TNPO2: variants seen among roughly 807,000 people sequenced by gnomAD.
TNPO2 encodes the protein transportin-2.
Under a neutral mutation model 111.1 loss-of-function variants are expected in TNPO2, and 16 were observed. That is an observed-to-expected ratio of 0.14 (90% CI 0.10 to 0.22). The LOEUF (loss-of-function observed/expected upper bound fraction) is 0.22, where lower values mean the gene tolerates loss of function less well. TNPO2 is among the 10% of genes least tolerant of loss of function. The pLI is 1.00. For missense variants in TNPO2, 530 were observed against 1,173.7 expected, an observed-to-expected ratio of 0.45 and a Z score of 8.01; for synonymous variants, 481 against 475.8, an observed-to-expected ratio of 1.01 and a Z score of -0.14.
chr19:12,714,859 C>A lies in TNPO2; in HGVS notation c.852G>T (p.Gln284His). The A allele has an allele frequency of 6.2e-7, 1 of 1,613,872 alleles. No homozygotes were observed. Among genetic ancestry groups the A allele is most frequent in the Non-Finnish European group, 8.5e-7 (1 of 1,179,822 alleles). Reference sequence around the variant, plus strand: ...AGGCCAGGACTTCCTTGCAGATGGGCTGCTCGGCCAGCGTCAGCCAGAACT... The same window carrying A: ...AGGCCAGGACTTCCTTGCAGATGGGATGCTCGGCCAGCGTCAGCCAGAACT... ...ACEFWLTLAEQPICKEVLASH... is the reference protein window; with the variant it reads ...ACEFWLTLAEHPICKEVLASH... Residue 284 changes from glutamine to histidine, a missense_variant, in exon 10 of 26, where the codon CAG becomes CAT. Around this residue, in one of 4 missense-constraint regions of TNPO2, gnomAD observed 156 missense variants for 405.8 expected, o/e 0.38. Coordinates refer to ENST00000425528, the MANE Select transcript of TNPO2 (RefSeq NM_001382241.1).
rs1351942198 is a variant in TNPO2 at position 12,721,406 on chromosome 19, C to T, written c.-13-416G>A. ...GCCCCAGACCGTGATAGCGCCCCGG[C>T]CCCCGTGGTCTCTTCTATGCAGGCA... On this transcript the variant is annotated intron_variant, in intron 2 of 25. Transcript: ENST00000425528. This position sits in a 1 kb window ranked among gnomAD's most constrained non-coding sequence, Gnocchi z 4.9. The T allele has an allele frequency of 3.8e-6, 3 of 780,784 alleles. No homozygotes were observed. The highest frequency in any genetic ancestry group is 2.6e-5 in the Admixed American group (1 of 39,122). The allele number at this position is 780,784 out of a possible 1,614,324, so 48.4% of individuals were successfully genotyped here. A position where few individuals can be genotyped will look rare whatever the true frequency, so the allele number is the denominator to read the frequency against.
At chr19:12,711,106 G>A (rs997923144) in intron 12 of TNPO2, 190 bp downstream of exon 12, 4 of 704,146 alleles carry the variant, frequency 5.7e-6, no homozygotes, top group Non-Finnish European at 9.3e-6. Context: ...GTGTTAGCCA[G>A]GATGGTGTTG....
chr19:12,702,887 G>A lies in TNPO2; in HGVS notation c.2241C>T (p.Val747=), dbSNP rs780638083. 7 of 1,613,738 alleles carry A rather than the reference G, an allele frequency of 4.3e-6. No individual in the cohort carries two copies. Among genetic ancestry groups the A allele is most frequent in the South Asian group, 2.2e-5 (2 of 91,080 alleles). Residue 747 remains valine (V), a synonymous_variant, in exon 21 of 26, where the codon GTC becomes GTT. Coordinates refer to ENST00000425528, the MANE Select transcript of TNPO2 (RefSeq NM_001382241.1). The surrounding 1 kb of genome is among the most constrained non-coding windows in gnomAD (Gnocchi z 5.5). ...GAEMQPYVQM[V]LNNLVEIINR... ...TAATGATTTCCACCAGGTTGTTGAGGACCATCTGCACATAAGGCTGCATCT... is the reference window on the plus strand; with the variant it reads ...TAATGATTTCCACCAGGTTGTTGAGAACCATCTGCACATAAGGCTGCATCT...
At position 12,710,642 on chromosome 19, in the gene TNPO2, C is replaced by T. The variant is rs2025983926; in HGVS notation, c.1249G>A (p.Val417Met). Residue 417 changes from valine (V) to methionine (M), a missense_variant, in exon 13 of 26, where the codon GTG becomes ATG. Val to Met is a conservative substitution (Grantham distance 21, BLOSUM62 1). Around this residue, in one of 4 missense-constraint regions of TNPO2, gnomAD observed 88 missense variants for 130.2 expected, o/e 0.68. Transcript: ENST00000425528. The part of the protein sequence containing the change: ...EWVVKESGIL[V>M]LGAIAEGCMQ... ...TCACCCTCAGCAATGGCGCCCAGCA[C>T]CAGGATGCCCGACTCCTTGACCACC... is the stretch of plus-strand genomic sequence containing the variant. 1 of 1,613,560 alleles carries T rather than the reference C, an allele frequency of 6.2e-7. No homozygotes were observed. The highest frequency in any genetic ancestry group is 8.5e-7 in the Non-Finnish European group (1 of 1,179,752).
chr19:12,706,541 G>T lies in TNPO2; in HGVS notation c.1496+29C>A. Reference sequence around the variant, plus strand: ...CCAGAGGGTGGCCGGGGGAGAGTGGGGGCTGTGGGATCAGGGGTCCAGGGT... The same window carrying T: ...CCAGAGGGTGGCCGGGGGAGAGTGGTGGCTGTGGGATCAGGGGTCCAGGGT... On this transcript the variant is annotated intron_variant, in intron 14 of 25. Transcript: ENST00000425528. This position sits in a 1 kb window ranked among gnomAD's most constrained non-coding sequence, Gnocchi z 7.0. The T allele has an allele frequency of 6.2e-7, 1 of 1,610,510 alleles. No individual in the cohort carries two copies.
Position 12,715,235 on chromosome 19 carries a change from C to G in TNPO2, c.648+8G>C. On this transcript the variant is annotated splice_region_variant and intron_variant, in intron 8 of 25. Coordinates refer to ENST00000425528, the MANE Select transcript of TNPO2 (RefSeq NM_001382241.1). This position sits in a 1 kb window ranked among gnomAD's most constrained non-coding sequence, Gnocchi z 7.1. ...CTCGCCCTGCCCACCCCCAGCCCAG[C>G]GGCCCACCTCGATGAAGGTGTCAAT... is the stretch of plus-strand genomic sequence containing the variant. 6.2e-7 allele frequency: 1 copy of G among 1,613,660 alleles called. No individual in the cohort carries two copies. The highest frequency in any genetic ancestry group is 8.5e-7 in the Non-Finnish European group (1 of 1,179,784).
intron 18 of TNPO2, among the ~76,000 whole-genome samples, chr19:12,704,387 G>A (rs1209479017): frequency 6.6e-6 from 1 of 151,722 alleles, no homozygotes; most frequent in African/African-American, 2.4e-5. Context: ...GGTGGGGGGC[G>A]GTGGGGGGGG....
At chr19:12,703,648 G>T in intron 19 of TNPO2, 66 bp downstream of exon 19, 1 of 1,579,940 alleles carries the variant, frequency 6.3e-7, no homozygotes, top group Non-Finnish European at 8.7e-7. Flanking sequence ...TCATCCCCGG[G>T]TATTGCTCTC....
intron 13 of TNPO2, among the ~76,000 whole-genome samples, chr19:12,708,911 G>A (rs569712187): frequency 1.9e-3 from 284 of 151,828 alleles, no homozygotes; most frequent in Middle Eastern, 3.4e-3. Flanking sequence ...GTGAATTCCT[G>A]CAATCCCAAG....
Position 12,719,815 on chromosome 19 carries a change from A to G in TNPO2, c.100-479T>C, listed in dbSNP as rs116703115. Among the ~76,000 whole-genome samples, 3,038 of 150,318 alleles carry G rather than the reference A, an allele frequency of 0.02. 98 individuals are homozygous for G. Among genetic ancestry groups the G allele is most frequent in the African/African-American group, 0.071 (2,833 of 40,070 alleles). On this transcript the variant is annotated intron_variant, in intron 3 of 25. Coordinates refer to ENST00000425528, the MANE Select transcript of TNPO2 (RefSeq NM_001382241.1). This position sits in a 1 kb window ranked among gnomAD's most constrained non-coding sequence, Gnocchi z 5.0. ...CTCCATCTTGAAAAAAAAAAAAATC[A>G]TACAAGGAGTTGGGTGGAAATGTCT...
In TNPO2 at chr19:12,701,220, T is replaced by G. The variant is rs2025276012; in HGVS notation, c.*44A>C. The G allele has an allele frequency of 4.1e-6, 3 of 736,816 alleles. No individual in the cohort carries two copies. The highest frequency in any genetic ancestry group is 2.7e-5 in the Admixed American group (1 of 36,840). The allele number at this position is 736,816 out of a possible 1,614,324, so 45.6% of individuals were successfully genotyped here. ...ATGCAGCGCACTCCCCAGTAATCCC[T>G]CCGACGACGACGCAGACAGAAACCT... On this transcript the variant is annotated 3_prime_UTR_variant, in exon 26 of 26. Coordinates refer to ENST00000425528, the MANE Select transcript of TNPO2 (RefSeq NM_001382241.1). This position sits in a 1 kb window ranked among gnomAD's most constrained non-coding sequence, Gnocchi z 5.0.
At position 12,699,528 on chromosome 19, in the gene TNPO2, C is replaced by T; in HGVS notation, c.*1736G>A. 1 of 153,978 alleles carries T rather than the reference C, an allele frequency of 6.5e-6. No individual in the cohort carries two copies. Among genetic ancestry groups the T allele is most frequent in the East Asian group, 1.9e-4 (1 of 5,160 alleles). 9.5% of individuals were successfully genotyped at this position (153,978 alleles called of 1,614,324 possible). On this transcript the variant is annotated 3_prime_UTR_variant, in exon 26 of 26. Coordinates refer to ENST00000425528, the MANE Select transcript of TNPO2 (RefSeq NM_001382241.1). ...TCCCCTTCCCTGAAGGTGTTTGTAT[C>T]CCCCCATCTTGAGTAGCGAGGGGTT...
In TNPO2 at chr19:12,701,873, G is replaced by C. The variant is rs530696768; in HGVS notation, c.2412-22C>G. 2.9e-5 allele frequency: 47 copies of C among 1,597,734 alleles called. No individual in the cohort carries two copies. The highest frequency in any genetic ancestry group is 2.1e-5 in the Non-Finnish European group (24 of 1,167,216). ...GCACCTGTGGGAAGGTGAGCAGCTGGAGGTCAGAGGGCAGGCTGGGCATGC... is the reference window on the plus strand; with the variant it reads ...GCACCTGTGGGAAGGTGAGCAGCTGCAGGTCAGAGGGCAGGCTGGGCATGC... On this transcript the variant is annotated intron_variant, in intron 22 of 25. Coordinates refer to ENST00000425528, the MANE Select transcript of TNPO2 (RefSeq NM_001382241.1). This position sits in a 1 kb window ranked among gnomAD's most constrained non-coding sequence, Gnocchi z 5.0.
intron 12 of TNPO2, 68 bp from the exon 13 acceptor site, chr19:12,710,841 T>C (rs74324900): frequency 4.2e-6 from 6 of 1,414,430 alleles, no homozygotes; most frequent in Non-Finnish European, 5.7e-6. Flanking sequence ...CCTCCTTGAC[T>C]GCACTCCCAG....
At chr19:12,703,090 A>G (rs1165678747) in intron 20 of TNPO2, 172 bp from the exon 21 acceptor site, 1 of 623,752 alleles carries the variant, frequency 1.6e-6, no homozygotes, top group East Asian at 2.7e-5. Flanking sequence ...ATCCCTGGCC[A>G]ACCAGGGACA....
chr19:12,711,428 T>A lies in TNPO2; in HGVS notation c.985A>T (p.Ser329Cys), dbSNP rs2026036543. The A allele has an allele frequency of 6.2e-7, 1 of 1,613,904 alleles. No homozygotes were observed. The highest frequency in any genetic ancestry group is 8.5e-7 in the Non-Finnish European group (1 of 1,179,910). The change falls in exon 12 of 26, where the codon AGT becomes TGT. Residue 329 changes from serine (S) to cysteine (C), a missense_variant. Transcript: ENST00000425528. ...AAGCGTGGCTTGATGTCCTGCTCAC[T>A]GTCGGGGACAGCCTCATCCTCCTCC... ...DVEEDEAVPDSEQDIKPRFHK... is the reference protein window; with the variant it reads ...DVEEDEAVPDCEQDIKPRFHK...
Position 12,721,158 on chromosome 19 carries a change from C to T in TNPO2, c.-13-168G>A. 1 of 1,413,966 alleles carries T rather than the reference C, an allele frequency of 7.1e-7. No individual in the cohort carries two copies. 87.6% of individuals were successfully genotyped at this position (1,413,966 alleles called of 1,614,324 possible). On this transcript the variant is annotated intron_variant, in intron 2 of 25. Transcript: ENST00000425528. This position sits in a 1 kb window ranked among gnomAD's most constrained non-coding sequence, Gnocchi z 4.9. ...AAGTGCGGGGTCCCCGCCAGCTGCGCCATCCTCGGCCGCGCAGTCGCGGGC... is the reference window on the plus strand; with the variant it reads ...AAGTGCGGGGTCCCCGCCAGCTGCGTCATCCTCGGCCGCGCAGTCGCGGGC...
intron 13 of TNPO2, among the ~76,000 whole-genome samples, chr19:12,707,951 GC>G (rs1175525862): frequency 6.6e-6 from 1 of 152,022 alleles, no homozygotes; most frequent in Non-Finnish European, 1.5e-5. Context: ...CTCCCCAGTA[GC>G]TGGGACTACA....
chr19:12,706,838 C>T lies in TNPO2; in HGVS notation c.1271-43G>A. On this transcript the variant is annotated intron_variant, in intron 13 of 25. Coordinates refer to ENST00000425528, the MANE Select transcript of TNPO2 (RefSeq NM_001382241.1). The surrounding 1 kb of genome is among the most constrained non-coding windows in gnomAD (Gnocchi z 7.0). The stretch of plus-strand genomic sequence containing the variant: ...CAAGAGGGGGCAGTTTGATTGGGCC[C>T]AGCCACACCCACCGTATGGAGAGAA... 6.7e-7 allele frequency: 1 copy of T among 1,492,678 alleles called. No individual in the cohort carries two copies. The highest frequency in any genetic ancestry group is 9.2e-7 in the Non-Finnish European group (1 of 1,091,838). The allele number at this position is 1,492,678 out of a possible 1,614,324, so 92.5% of individuals were successfully genotyped here.
Sources: allele counts gnomAD v4.1 joint callset (sites outside exome capture counted in the v4.1 genomes callset), GRCh38; gene constraint gnomAD v4.1.1; regional missense constraint gnomAD v4.1.1; non-coding constraint Gnocchi (gnomAD v3.1); transcripts MANE v1.5; gene names NCBI Gene and HGNC (gene_info 2026-07-23, HGNC 2026-07-21).